Variants in ST3GAL6 observed in about 807,000 individuals in gnomAD.
The protein encoded by ST3GAL6 is ST3 beta-galactoside alpha-2,3-sialyltransferase 6.
Under a neutral mutation model 40.5 loss-of-function variants are expected in ST3GAL6, and 31 were observed. The observed-to-expected ratio is 0.77, with a 90% CI of 0.58 to 1.03. The LOEUF is 1.03. Among genes scored for constraint, ST3GAL6 ranks in the 50% least tolerant of loss-of-function variants. The probability of loss-of-function intolerance (pLI) is 0.00; values close to 1 mark genes in which losing one functional copy is unlikely to be tolerated. For missense variants in ST3GAL6, 357 were observed against 393.2 expected (o/e 0.91, Z 0.78); for synonymous variants, 129 against 136.9 (o/e 0.94, Z 0.40).
chr3:98,781,134 A>T (rs1940073464), intron 5 of ST3GAL6, among the ~76,000 whole-genome samples: 1 of 152,218 alleles, frequency 6.6e-6, no homozygotes, highest in Non-Finnish European at 1.5e-5. Flanking sequence ...GACACCATGG[A>T]ATACTATGCA....
In ST3GAL6 at chr3:98,765,140, T is replaced by A. The variant is rs529701521; in HGVS notation, c.-12+1701T>A. On this transcript the variant is annotated intron_variant, in intron 1 of 9. Transcript: ENST00000483910. ...ACAAGTCCCCGCCTGGTGCAGACTC[T>A]TGAGCCTGCCCTAGAGTCACCTCCT... 2.6e-5 allele frequency among the ~76,000 whole-genome samples: 4 copies of A among 152,320 alleles called. No homozygotes were observed. The East Asian group carries it at 7.7e-4, about 29-fold the overall frequency.
At chr3:98,752,484 T>A (rs1013003007) in intron 1 of ST3GAL6, among the ~76,000 whole-genome samples, 6 of 152,046 alleles carry the variant, frequency 3.9e-5, no homozygotes, top group Admixed American at 1.3e-4. Context: ...TTTATTTTAT[T>A]TTTTTGAGAC....
chr3:98,766,984 G>A (rs187223922), intron 1 of ST3GAL6, among the ~76,000 whole-genome samples: 2 of 152,164 alleles, frequency 1.3e-5, no homozygotes, highest in Non-Finnish European at 2.9e-5. Context: ...CTCTTCACAG[G>A]GATTATGTAT....
rs2107314833 is a variant in ST3GAL6 at position 98,784,941 on chromosome 3, A to G, written c.336-4A>G. 2 of 1,611,200 alleles carry G rather than the reference A, an allele frequency of 1.2e-6. No homozygotes were observed. The highest frequency in any genetic ancestry group is 1.1e-5 in the South Asian group (1 of 90,926). On this transcript the variant is annotated splice_region_variant and splice_polypyrimidine_tract_variant and intron_variant, in intron 5 of 9. Transcript: ENST00000483910. ...AATCTCTCACTTGTCCATCTGTCCA[A>G]CAGCATACCCTGTAAAAAGTGTGTG... is the stretch of plus-strand genomic sequence containing the variant.
chr3:98,793,877 GC>G lies in ST3GAL6; in HGVS notation c.*118del, dbSNP rs576686887. 1.5e-3 allele frequency: 761 copies of G among 506,274 alleles called. 5 individuals are homozygous for G. Among genetic ancestry groups the G allele is most frequent in the Non-Finnish European group, 1.3e-4 (39 of 299,760 alleles). 31.4% of individuals were successfully genotyped at this position (506,274 alleles called of 1,614,324 possible). ...ATAATTATGTATACTGTCTGTTGCT[GC>G]CTGGTGATTCATAACCACCAGCTTA... is the stretch of plus-strand genomic sequence containing the variant. On this transcript the variant is annotated 3_prime_UTR_variant, in exon 10 of 10. Coordinates refer to ENST00000483910, the MANE Select transcript of ST3GAL6 (RefSeq NM_001323368.2).
chr3:98,771,284 TC>T, intron 3 of ST3GAL6: 1 of 628,148 alleles, frequency 1.6e-6, no homozygotes, highest in Non-Finnish European at 2.4e-6. Context: ...CATGTTATTT[TC>T]CACCCTTATT....
At chr3:98,782,188 A>G in intron 5 of ST3GAL6, 1 of 689,144 alleles carries the variant, frequency 1.5e-6, no homozygotes. Flanking sequence ...ATCTAGAGTT[A>G]TGTTACTTTC....
chr3:98,788,434 C>G lies in ST3GAL6; in HGVS notation c.727C>G (p.His243Asp), dbSNP rs139176278. Residue 243 changes from histidine to aspartate, a missense_variant, in exon 8 of 10, where the codon CAT (histidine) becomes GAT (aspartate). Transcript: ENST00000483910. ...IIRTAAYELL[H>D]FPKVFPKNQK... ...CAGAACAGCAGCTTATGAACTGCTT[C>G]ATTTTCCAAAAGTGTTTCCCAAAAA... The G allele has an allele frequency of 1.6e-5, 26 of 1,609,310 alleles. No homozygotes were observed. In the African/African-American group the frequency reaches 3.5e-4, roughly 22 times the overall value.
rs754212616 is a variant in ST3GAL6, at chr3:98,791,943, A to G, written c.859A>G (p.Lys287Glu). ...TTTTAAATACAACTTTTCTGACCTC[A>G]AGAGTCCTTTGCACTACTATGGGAA... Reference protein sequence around the residue: ...AGFKYNFSDLKSPLHYYGNAT... With the variant: ...AGFKYNFSDLESPLHYYGNAT... The change falls in exon 9 of 10, where the codon AAG (lysine) becomes GAG (glutamate). Residue 287 changes from lysine (K) to glutamate (E), a missense_variant. Physicochemically the swap from Lys to Glu is moderately conservative, Grantham distance 56. Transcript: ENST00000483910. The G allele has an allele frequency of 2.5e-6, 4 of 1,613,912 alleles. No individual in the cohort carries two copies. Among genetic ancestry groups the G allele is most frequent in the African/African-American group, 1.3e-5 (1 of 74,932 alleles).
chr3:98,771,484 T>A (rs1938982126), intron 3 of ST3GAL6, among the ~76,000 whole-genome samples: 1 of 152,234 alleles, frequency 6.6e-6, no homozygotes, highest in South Asian at 2.1e-4. Flanking sequence ...GTTCTTTTCC[T>A]CCATCACTTT....
chr3:98,772,735 T>A (rs1939129337), intron 3 of ST3GAL6, 78 bp from the exon 4 acceptor site: 1 of 923,242 alleles, frequency 1.1e-6, no homozygotes, highest in Non-Finnish European at 1.8e-6. Flanking sequence ...TATGCTGTAG[T>A]TACTTTTAGT....
chr3:98,760,341 TC>T (rs1448536625), upstream of ST3GAL6, among the ~76,000 whole-genome samples: 1 of 152,198 alleles, frequency 6.6e-6, no homozygotes, highest in African/African-American at 2.4e-5. Context: ...TCTACCAACT[TC>T]CCAGGTGATG....
intron 1 of ST3GAL6, among the ~76,000 whole-genome samples, chr3:98,740,266 GTTC>G (rs531593941): frequency 1.0e-3 from 146 of 140,658 alleles, no homozygotes; most frequent in Admixed American, 5.4e-3. Context: ...GATGTGTATG[GTTC>G]TTCTGCTTTA....
At chr3:98,765,421 C>T (rs1438197372) in intron 1 of ST3GAL6, among the ~76,000 whole-genome samples, 1 of 152,152 alleles carries the variant, frequency 6.6e-6, no homozygotes, top group Non-Finnish European at 1.5e-5. Flanking sequence ...GAAGACAACA[C>T]CTGCACACCC....
intron 4 of ST3GAL6, 41 bp downstream of exon 4, chr3:98,772,957 T>G (rs779352013): frequency 7.9e-7 from 1 of 1,270,854 alleles, no homozygotes; most frequent in Non-Finnish European, 1.1e-6. Context: ...TAAATTTGAG[T>G]GGTGTTTGAT....
At chr3:98,756,032 A>G (rs1046819965) in intron 1 of ST3GAL6, among the ~76,000 whole-genome samples, 7 of 152,134 alleles carry the variant, frequency 4.6e-5, no homozygotes, top group African/African-American at 1.7e-4. Flanking sequence ...AGCTGCGTGT[A>G]TGTGTGGAGA....
chr3:98,771,110 T>C (rs1483148684), intron 3 of ST3GAL6, 154 bp downstream of exon 3: 3 of 1,518,666 alleles, frequency 2.0e-6, no homozygotes, highest in Non-Finnish European at 2.6e-6. Context: ...TGTCTCTTTT[T>C]GTGCTTTTAG....
At chr3:98,741,280 C>G (rs1936066535) in intron 1 of ST3GAL6, among the ~76,000 whole-genome samples, 1 of 151,744 alleles carries the variant, frequency 6.6e-6, no homozygotes, top group Non-Finnish European at 1.5e-5. Flanking sequence ...GATCTTGAAA[C>G]AGCTTTACAT....
At chr3:98,733,040 C>T in intron 1 of ST3GAL6, 1 of 1,421,032 alleles carries the variant, frequency 7.0e-7, no homozygotes, top group Non-Finnish European at 9.2e-7. Flanking sequence ...GCGGGAAGAC[C>T]GGTCTGGGCC....
Sources: allele counts gnomAD v4.1 joint callset (sites outside exome capture counted in the v4.1 genomes callset), GRCh38; gene constraint gnomAD v4.1.1; transcripts MANE v1.5; gene names NCBI Gene and HGNC (gene_info 2026-07-23, HGNC 2026-07-21).